JMJD1C: variants seen among roughly 807,000 people sequenced by gnomAD.
JMJD1C encodes jumonji domain containing 1C.
In JMJD1C, 31 loss-of-function variants were observed where a neutral mutation model predicts 245.3. The observed-to-expected ratio is 0.13, with a 90% CI of 0.09 to 0.17. The LOEUF is 0.17. JMJD1C is among the 10% of genes least tolerant of loss of function. The pLI is 1.00. For synonymous variants in JMJD1C, 1,057 were observed against 1,017.4 expected, an observed-to-expected ratio of 1.04 and a Z score of -0.74; for missense variants, 2,691 against 3,000.2, an observed-to-expected ratio of 0.90 and a Z score of 2.41.
At chr10:63,303,810 T>C (rs1276303454) in intron 2 of JMJD1C, among the ~76,000 whole-genome samples, 1 of 152,202 alleles carries the variant, frequency 6.6e-6, no homozygotes, top group East Asian at 1.9e-4. Flanking sequence ...TAATAGCTCA[T>C]TGCCCCAGAA....
At chr10:63,200,737 G>A in intron 10 of JMJD1C, 60 bp from the exon 11 acceptor site, 2 of 1,414,338 alleles carry the variant, frequency 1.4e-6, no homozygotes, top group South Asian at 1.2e-5. Flanking sequence ...TAAACTCCTT[G>A]AGATGAAATT....
chr10:63,293,610 G>C (rs999468724), intron 2 of JMJD1C, among the ~76,000 whole-genome samples: 1 of 152,080 alleles, frequency 6.6e-6, no homozygotes, highest in Non-Finnish European at 1.5e-5. Flanking sequence ...ATGTGATCTA[G>C]CTGTCTAATT....
intron 1 of JMJD1C, among the ~76,000 whole-genome samples, chr10:63,381,288 T>C (rs1947193477): frequency 6.6e-6 from 1 of 152,042 alleles, no homozygotes. Context: ...GGAGGATCAC[T>C]TGAGCCCAGG....
At position 63,454,473 on chromosome 10, in the gene JMJD1C, G is replaced by C. The variant is rs1381192955; in HGVS notation, c.168+11022C>G. 2.6e-5 allele frequency among the ~76,000 whole-genome samples: 4 copies of C among 152,016 alleles called. No homozygotes were observed. In the East Asian group the frequency reaches 7.8e-4, roughly 29 times the overall value. ...GAATCTCACTCTGTTGCCCAAGCTG[G>C]AGTGTAGTGGTACGATCTCAGCTCA... On this transcript the variant is annotated intron_variant, in intron 1 of 25. Coordinates refer to ENST00000399262, the MANE Select transcript of JMJD1C (RefSeq NM_032776.3).
rs1396094785 is a variant in JMJD1C at position 63,389,327 on chromosome 10, A to AG, written c.169-8846_169-8845insC. Among the ~76,000 whole-genome samples, 42 of 148,640 alleles carry AG rather than the reference A, an allele frequency of 2.8e-4. 2 individuals are homozygous for AG. The East Asian group carries it at 5.2e-3, about 19-fold the overall frequency. ...ACCCTGTCTCAAAAAAAAAAAAAAA[A>AG]AGAAAAAGAAAAAAGATCTAAATGG... is the stretch of plus-strand genomic sequence containing the variant. On this transcript the variant is annotated intron_variant, in intron 1 of 25. Coordinates refer to ENST00000399262, the MANE Select transcript of JMJD1C (RefSeq NM_032776.3).
At chr10:63,215,241 TA>T (rs113325920) in intron 7 of JMJD1C, 21 bp downstream of exon 7, 5,463 of 1,233,706 alleles carry the variant, frequency 4.4e-3, no homozygotes, top group South Asian at 7.5e-3. Context: ...TTCATTCCCT[TA>T]AAAAAAAAAG....
intron 1 of JMJD1C, among the ~76,000 whole-genome samples, chr10:63,423,648 G>A (rs1288803525): frequency 6.6e-6 from 1 of 152,058 alleles, no homozygotes; most frequent in Non-Finnish European, 1.5e-5. Flanking sequence ...AGTTCTTTTG[G>A]ATAAATATGT....
intron 2 of JMJD1C, among the ~76,000 whole-genome samples, chr10:63,348,848 C>T (rs1281706150): frequency 6.6e-6 from 1 of 152,052 alleles, no homozygotes; most frequent in Non-Finnish European, 1.5e-5. Flanking sequence ...TGCCTGTAAT[C>T]CCAGCACTTT....
At chr10:63,369,288 T>C (rs1358247720) in intron 2 of JMJD1C, among the ~76,000 whole-genome samples, 1 of 151,934 alleles carries the variant, frequency 6.6e-6, no homozygotes, top group Non-Finnish European at 1.5e-5. Flanking sequence ...ATTATGGAAG[T>C]GCACCACCAC....
intron 2 of JMJD1C, among the ~76,000 whole-genome samples, chr10:63,356,027 G>A (rs10995514): frequency 0.016 from 2,461 of 152,258 alleles, 33 homozygotes; most frequent in Non-Finnish European, 0.024. Flanking sequence ...GTAGTCCAAT[G>A]TGAGGAAAAA....
chr10:63,465,655 A>C lies in JMJD1C; in HGVS notation c.8T>G (p.Val3Gly). 6.2e-7 allele frequency: 1 copy of C among 1,608,702 alleles called. No homozygotes were observed. Among genetic ancestry groups the C allele is most frequent in the Non-Finnish European group, 8.5e-7 (1 of 1,179,838 alleles). Residue 3 changes from valine (V) to glycine (G), a missense_variant, in exon 1 of 26, where the codon GTA (valine) becomes GGA (glycine). Val to Gly is a moderately radical substitution (Grantham distance 109). Coordinates refer to ENST00000399262, the MANE Select transcript of JMJD1C (RefSeq NM_032776.3). ...ACCCACCAGCTCTGCCCGCGTCTCT[A>C]CCGCCATAGCTGTCGCTGCCGAAGC... MA[V>G]ETRAELVGKR...
At chr10:63,509,838 T>A (rs1954822923) in intron 1 of JMJD1C, among the ~76,000 whole-genome samples, 1 of 152,300 alleles carries the variant, frequency 6.6e-6, no homozygotes, top group Non-Finnish European at 1.5e-5. Context: ...ACTAATCTTA[T>A]TAAAGAACCA....
intron 1 of JMJD1C, among the ~76,000 whole-genome samples, chr10:63,508,300 G>A (rs541084256): frequency 2.6e-5 from 4 of 152,278 alleles, no homozygotes; most frequent in South Asian, 2.1e-4. Flanking sequence ...ATATTTACAA[G>A]GGTCTGTGTC....
At chr10:63,441,625 C>CT (rs1042677915) in intron 1 of JMJD1C, among the ~76,000 whole-genome samples, 3 of 152,134 alleles carry the variant, frequency 2.0e-5, no homozygotes, top group Non-Finnish European at 4.4e-5. Flanking sequence ...TTAACGCCCT[C>CT]TTCTCAGTTT....
intron 2 of JMJD1C, among the ~76,000 whole-genome samples, chr10:63,314,194 T>G (rs572837189): frequency 1.3e-5 from 2 of 152,232 alleles, no homozygotes; most frequent in African/African-American, 2.4e-5. Context: ...CCCCACTTCA[T>G]GTTTTTGTTT....
At chr10:63,359,905 C>T (rs572358027) in intron 2 of JMJD1C, among the ~76,000 whole-genome samples, 2 of 151,990 alleles carry the variant, frequency 1.3e-5, no homozygotes, top group Admixed American at 6.6e-5. Flanking sequence ...GCATATTTTC[C>T]TATCAGTCAG....
intron 2 of JMJD1C, among the ~76,000 whole-genome samples, chr10:63,286,330 G>A (rs944259649): frequency 4.6e-5 from 7 of 152,156 alleles, no homozygotes; most frequent in African/African-American, 1.7e-4. Context: ...TGGGTCCCAG[G>A]AATCCTTAGG....
At position 63,208,815 on chromosome 10, in the gene JMJD1C, A is replaced by G; in HGVS notation, c.2868-14T>C. 2.6e-6 allele frequency: 4 copies of G among 1,548,492 alleles called. No individual in the cohort carries two copies. Among genetic ancestry groups the G allele is most frequent in the Non-Finnish European group, 3.5e-6 (4 of 1,152,664 alleles). ...CTTTCTAATTCTCTGTAAAGAAAAT[A>G]CACAAATATTTCTGTAACCACTTTT... On this transcript the variant is annotated splice_polypyrimidine_tract_variant and intron_variant, in intron 9 of 25. Coordinates refer to ENST00000399262, the MANE Select transcript of JMJD1C (RefSeq NM_032776.3).
At chr10:63,212,078 G>T (rs1224177259) in intron 8 of JMJD1C, among the ~76,000 whole-genome samples, 1 of 152,084 alleles carries the variant, frequency 6.6e-6, no homozygotes, top group Admixed American at 6.5e-5. Flanking sequence ...AGTAACAAAA[G>T]GATAAATATT....
Sources: gnomAD v4.1 joint callset for allele counts (sites outside exome capture counted in the v4.1 genomes callset) on GRCh38, gnomAD v4.1.1 for gene constraint, MANE v1.5 for transcripts, NCBI Gene and HGNC (gene_info 2026-07-23, HGNC 2026-07-21) for gene names.